The following PCDHGA11 variants were observed in gnomAD, a reference collection of about 807,000 sequenced individuals.
PCDHGA11 encodes protocadherin gamma-A11.
A neutral mutation model predicts 60.4 loss-of-function variants in PCDHGA11; 39 were observed. The observed-to-expected ratio is 0.65, with a 90% CI of 0.50 to 0.84. The LOEUF (loss-of-function observed/expected upper bound fraction) is 0.84, where lower values mean the gene tolerates loss of function less well. Among genes scored for constraint, PCDHGA11 ranks in the 40% least tolerant of loss-of-function variants. The pLI, the probability that PCDHGA11 is intolerant of heterozygous loss-of-function variation, is 0.00. For synonymous variants in PCDHGA11, 533 were observed against 510.3 expected (o/e 1.04, Z -0.60); for missense variants, 1,165 against 1,197.7 (o/e 0.97, Z 0.40).
At chr5:141,508,906 G>A (rs2099872897) in intron 3 of PCDHGA11, among the ~76,000 whole-genome samples, 1 of 152,092 alleles carries the variant, frequency 6.6e-6, no homozygotes, top group Non-Finnish European at 1.5e-5. Context: ...CGGGGCGGTG[G>A]CGGATCTGGC....
Position 141,431,663 on chromosome 5 carries a change from T to G in PCDHGA11, c.2433+8003T>G, listed in dbSNP as rs2097405149. ...ACTAGATTGTAATTCAGGGACAATA[T>G]CAACAATAGGGGAGTTGGACCACGA... On this transcript the variant is annotated intron_variant, in intron 1 of 3. Coordinates refer to ENST00000398587, the MANE Select transcript of PCDHGA11 (RefSeq NM_018914.3). The surrounding 1 kb of genome is among the most constrained non-coding windows in gnomAD (Gnocchi z 4.8). The G allele has an allele frequency of 6.2e-7, 1 of 1,614,168 alleles. No individual in the cohort carries two copies.
At chr5:141,465,779 G>GTT (rs879859429) in intron 1 of PCDHGA11, among the ~76,000 whole-genome samples, 3 of 145,118 alleles carry the variant, frequency 2.1e-5, no homozygotes, top group Non-Finnish European at 3.0e-5. Context: ...TCTTGTTACA[G>GTT]TTTTTTTTTT....
chr5:141,506,207 TTGGGAAGCTGAG>T (rs1487107822), intron 3 of PCDHGA11, among the ~76,000 whole-genome samples: 1 of 152,020 alleles, frequency 6.6e-6, no homozygotes, highest in Non-Finnish European at 1.5e-5. Flanking sequence ...TCCCAGCACT[TTGGGAAGCTGAG>T]GCAGGAGGAT....
At position 141,490,979 on chromosome 5, in the gene PCDHGA11, C is replaced by T. The variant is rs1217345302; in HGVS notation, c.2434-3828C>T. 6.2e-7 allele frequency: 1 copy of T among 1,614,086 alleles called. No individual in the cohort carries two copies. The highest frequency in any genetic ancestry group is 8.5e-7 in the Non-Finnish European group (1 of 1,180,014). ...GAACACTCAGCCCCCCAGCGTCTCC[C>T]TCGCTCTGCTCCTCCTGGCTCCTTG... On this transcript the variant is annotated intron_variant, in intron 1 of 3. Transcript: ENST00000398587. This position sits in a 1 kb window ranked among gnomAD's most constrained non-coding sequence, Gnocchi z 5.4.
chr5:141,499,054 TGAA>T (rs2099789231), intron 2 of PCDHGA11, among the ~76,000 whole-genome samples: 1 of 150,820 alleles, frequency 6.6e-6, no homozygotes, highest in Non-Finnish European at 1.5e-5. Context: ...GGAGAAAAAA[TGAA>T]GAAGACTTAC....
chr5:141,449,066 A>G (rs1234801725), intron 1 of PCDHGA11, among the ~76,000 whole-genome samples: 3 of 152,188 alleles, frequency 2.0e-5, no homozygotes, highest in African/African-American at 4.8e-5. Context: ...GCGCTATTGA[A>G]TAGCCCTGTA....
intron 1 of PCDHGA11, among the ~76,000 whole-genome samples, chr5:141,482,354 G>C (rs1461472845): frequency 6.6e-6 from 1 of 152,096 alleles, no homozygotes; most frequent in Non-Finnish European, 1.5e-5. Context: ...CTTGTTGTGA[G>C]AGTGAAAAGT....
chr5:141,444,545 C>G (rs1346405150), intron 1 of PCDHGA11, among the ~76,000 whole-genome samples: 1 of 152,042 alleles, frequency 6.6e-6, no homozygotes, highest in Non-Finnish European at 1.5e-5. Context: ...GTCTAGTGAG[C>G]AAAAGGCACT....
In PCDHGA11 at chr5:141,432,002, G is replaced by A. The variant is rs781525225; in HGVS notation, c.2433+8342G>A. On this transcript the variant is annotated intron_variant, in intron 1 of 3. Transcript: ENST00000398587. This position sits in a 1 kb window ranked among gnomAD's most constrained non-coding sequence, Gnocchi z 6.0. ...AGACATAGTCTTGGATAGGGAACAG[G>A]TTCCTAGCTACAACATCACAGTGAC... The A allele has an allele frequency of 1.9e-6, 3 of 1,614,186 alleles. No homozygotes were observed. In the South Asian group the frequency reaches 3.3e-5, roughly 18 times the overall value.
intron 1 of PCDHGA11, among the ~76,000 whole-genome samples, chr5:141,453,357 C>T (rs1027586816): frequency 1.3e-5 from 2 of 152,002 alleles, no homozygotes; most frequent in Admixed American, 6.6e-5. Flanking sequence ...TGACCCTGAA[C>T]TCCTGGGGTC....
chr5:141,509,575 T>C (rs186302231), intron 3 of PCDHGA11, among the ~76,000 whole-genome samples: 153 of 152,320 alleles, frequency 1.0e-3, no homozygotes, highest in African/African-American at 3.7e-3. Flanking sequence ...TCACAGTGCG[T>C]ACAAATCAGC....
Position 141,476,966 on chromosome 5 carries a change from G to T in PCDHGA11, c.2434-17841G>T, listed in dbSNP as rs780645226. The T allele has an allele frequency of 6.2e-7, 1 of 1,614,152 alleles. No homozygotes were observed. Among genetic ancestry groups the T allele is most frequent in the Admixed American group, 1.7e-5 (1 of 60,032 alleles). On this transcript the variant is annotated intron_variant, in intron 1 of 3. Coordinates refer to ENST00000398587, the MANE Select transcript of PCDHGA11 (RefSeq NM_018914.3). The surrounding 1 kb of genome is among the most constrained non-coding windows in gnomAD (Gnocchi z 7.6). Reference sequence around the variant, plus strand: ...CAACGGTGAAATTATTTACTCCTTCGGCAGCCACAACCGCGCCGGCGTGCG... The same window carrying T: ...CAACGGTGAAATTATTTACTCCTTCTGCAGCCACAACCGCGCCGGCGTGCG...
Position 141,512,574 on chromosome 5 carries a change from C to G in PCDHGA11, c.*1401C>G, listed in dbSNP as rs1429371202. 2 of 152,884 alleles carry G rather than the reference C, an allele frequency of 1.3e-5. No homozygotes were observed. Among genetic ancestry groups the G allele is most frequent in the South Asian group, 2.1e-4 (1 of 4,836 alleles). 9.5% of individuals were successfully genotyped at this position (152,884 alleles called of 1,614,324 possible). On this transcript the variant is annotated 3_prime_UTR_variant, in exon 4 of 4. Transcript: ENST00000398587. ...GTGCATAGACCTTCTTCTCCCACCC[C>G]CTTCTGCCCCTGGGTCCCCGGCCAT...
In PCDHGA11 at chr5:141,431,937, A is replaced by T; in HGVS notation, c.2433+8277A>T. On this transcript the variant is annotated intron_variant, in intron 1 of 3. Coordinates refer to ENST00000398587, the MANE Select transcript of PCDHGA11 (RefSeq NM_018914.3). The surrounding 1 kb of genome is among the most constrained non-coding windows in gnomAD (Gnocchi z 4.8). ...TTCATCCAAGGAAATCTGCCCTTTAAATTAGAAAAATCTTACGGAAATTAC... is the reference window on the plus strand; with the variant it reads ...TTCATCCAAGGAAATCTGCCCTTTATATTAGAAAAATCTTACGGAAATTAC... The T allele has an allele frequency of 6.2e-7, 1 of 1,614,144 alleles. No individual in the cohort carries two copies. The highest frequency in any genetic ancestry group is 8.5e-7 in the Non-Finnish European group (1 of 1,180,014).
At chr5:141,480,240 C>CA (rs11374694) in intron 1 of PCDHGA11, among the ~76,000 whole-genome samples, 21,591 of 113,808 alleles carry the variant, frequency 0.19, 1,578 homozygotes, top group Admixed American at 0.21. Context: ...CCTGTCTCTA[C>CA]AAAAAAAAAA....
intron 1 of PCDHGA11, among the ~76,000 whole-genome samples, chr5:141,472,602 T>C (rs1032061805): frequency 4.6e-5 from 7 of 152,026 alleles, no homozygotes; most frequent in African/African-American, 1.4e-4. Context: ...CTTGAAATTA[T>C]AAAACAAAGA....
Position 141,437,485 on chromosome 5 carries a change from C to T in PCDHGA11, c.2433+13825C>T, listed in dbSNP as rs372023505. The stretch of plus-strand genomic sequence containing the variant: ...TATACTTTTATAGCATATTTAATCT[C>T]GTAGATCACTTTTCAATGAATTATA... On this transcript the variant is annotated intron_variant, in intron 1 of 3. Transcript: ENST00000398587. Among the ~76,000 whole-genome samples, 16 of 152,188 alleles carry T rather than the reference C, an allele frequency of 1.1e-4. No individual in the cohort carries two copies. In the East Asian group the frequency reaches 2.9e-3, roughly 28 times the overall value.
At chr5:141,447,988 A>C (rs1234413003) in intron 1 of PCDHGA11, among the ~76,000 whole-genome samples, 1 of 152,018 alleles carries the variant, frequency 6.6e-6, no homozygotes, top group Non-Finnish European at 1.5e-5. Flanking sequence ...CGGGAGGCTG[A>C]GGCATGAGAA....
intron 1 of PCDHGA11, among the ~76,000 whole-genome samples, chr5:141,439,662 G>A (rs2098125902): frequency 6.6e-6 from 1 of 152,150 alleles, no homozygotes; most frequent in South Asian, 2.1e-4. Flanking sequence ...TAATTTCATG[G>A]AATGCAAATC....
Sources: allele counts gnomAD v4.1 joint callset (sites outside exome capture counted in the v4.1 genomes callset), GRCh38; gene constraint gnomAD v4.1.1; non-coding constraint Gnocchi (gnomAD v3.1); transcripts MANE v1.5; gene names NCBI Gene and HGNC (gene_info 2026-07-23, HGNC 2026-07-21).